The following KCNQ2 variants were observed in gnomAD, a reference collection of about 807,000 sequenced individuals.
KCNQ2 encodes the protein potassium voltage-gated channel subfamily KQT member 2.
In KCNQ2, 14 loss-of-function variants were observed where a neutral mutation model predicts 84.8. The ratio of observed to expected loss-of-function variants is 0.17; its 90% CI spans 0.11 to 0.26. The LOEUF (loss-of-function observed/expected upper bound fraction) is 0.26, where lower values mean the gene tolerates loss of function less well. Ranked by LOEUF, KCNQ2 falls within the 10% of genes least tolerant of loss-of-function variation. The pLI is 1.00. For synonymous variants in KCNQ2, 599 were observed against 554.1 expected, an observed-to-expected ratio of 1.08 and a Z score of -1.14; for missense variants, 788 against 1,254.0, an observed-to-expected ratio of 0.63 and a Z score of 5.61.
rs891928516 is a variant in KCNQ2 at position 63,400,301 on chromosome 20, G to A, written c.*6343C>T. The stretch of plus-strand genomic sequence containing the variant: ...AGCAGGGATCCCCAGAACCTTCCAC[G>A]GCCATCGCGGCCGCAGGACCCCACA... On this transcript the variant is annotated 3_prime_UTR_variant, in exon 17 of 17. Transcript: ENST00000359125. This position sits in a 1 kb window ranked among gnomAD's most constrained non-coding sequence, Gnocchi z 8.7. 2.2e-4 allele frequency: 56 copies of A among 254,180 alleles called. No homozygotes were observed. Among genetic ancestry groups the A allele is most frequent in the African/African-American group, 1.1e-3 (49 of 45,088 alleles). The allele number at this position is 254,180 out of a possible 1,614,324, so 15.7% of individuals were successfully genotyped here.
Position 63,431,507 on chromosome 20 carries a change from G to A in KCNQ2, c.1119-138C>T, listed in dbSNP as rs2080786486. On this transcript the variant is annotated intron_variant, in intron 8 of 16. Transcript: ENST00000359125. Reference sequence around the variant, plus strand: ...ACAAAGAAAATTAGCACAAGGGCTGGTTCTGTCCCTGCCCTGGGCTGAGAG... The same window carrying A: ...ACAAAGAAAATTAGCACAAGGGCTGATTCTGTCCCTGCCCTGGGCTGAGAG... 6 of 950,076 alleles carry A rather than the reference G, an allele frequency of 6.3e-6. No individual in the cohort carries two copies. In the East Asian group the frequency reaches 9.8e-5, roughly 15 times the overall value. The allele number at this position is 950,076 out of a possible 1,614,324, so 58.9% of individuals were successfully genotyped here. A position where few individuals can be genotyped will look rare whatever the true frequency, so the allele number is the denominator to read the frequency against.
At position 63,408,248 on chromosome 20, in the gene KCNQ2, G is replaced by T; in HGVS notation, c.1887+165C>A. ...GGGGGTGGGAGGCTCACGGTGGGGT[G>T]TGAGGGGTCTGCACAGAGCAGCTGT... On this transcript the variant is annotated intron_variant, in intron 16 of 16. Coordinates refer to ENST00000359125, the MANE Select transcript of KCNQ2 (RefSeq NM_172107.4). This position sits in a 1 kb window ranked among gnomAD's most constrained non-coding sequence, Gnocchi z 5.0. 2 of 889,144 alleles carry T rather than the reference G, an allele frequency of 2.2e-6. No homozygotes were observed. Among genetic ancestry groups the T allele is most frequent in the Non-Finnish European group, 3.4e-6 (2 of 584,366 alleles). 55.1% of individuals were successfully genotyped at this position (889,144 alleles called of 1,614,324 possible).
At position 63,446,908 on chromosome 20, in the gene KCNQ2, C is replaced by T; in HGVS notation, c.297-71G>A. On this transcript the variant is annotated intron_variant, in intron 1 of 16. Coordinates refer to ENST00000359125, the MANE Select transcript of KCNQ2 (RefSeq NM_172107.4). This position sits in a 1 kb window ranked among gnomAD's most constrained non-coding sequence, Gnocchi z 5.5. ...GCAGCATGGCTGTGTCTCCAGAACTCAGGACCCCACTCCCCACCAGGCCGC... is the reference window on the plus strand; with the variant it reads ...GCAGCATGGCTGTGTCTCCAGAACTTAGGACCCCACTCCCCACCAGGCCGC... 7.5e-7 allele frequency: 1 copy of T among 1,330,944 alleles called. No homozygotes were observed. Among genetic ancestry groups the T allele is most frequent in the Non-Finnish European group, 1.1e-6 (1 of 922,978 alleles). The allele number at this position is 1,330,944 out of a possible 1,614,324, so 82.4% of individuals were successfully genotyped here.
At chr20:63,432,810 A>C (rs1163350182) in intron 8 of KCNQ2, among the ~76,000 whole-genome samples, 1 of 131,724 alleles carries the variant, frequency 7.6e-6, no homozygotes, top group African/African-American at 2.6e-5. Context: ...CCCCACCCTC[A>C]GGGAAGGCTC....
At chr20:63,411,818 C>T in intron 15 of KCNQ2, 1 of 684,010 alleles carries the variant, frequency 1.5e-6, no homozygotes. Flanking sequence ...GCCGTGGGTC[C>T]TTTGGTGGGG....
Position 63,438,807 on chromosome 20 carries a change from C to A in KCNQ2, c.928-87G>T, listed in dbSNP as rs73146526. 5.9e-6 allele frequency: 6 copies of A among 1,017,574 alleles called. No individual in the cohort carries two copies. The highest frequency in any genetic ancestry group is 3.3e-5 in the African/African-American group (2 of 61,038). 63.0% of individuals were successfully genotyped at this position (1,017,574 alleles called of 1,614,324 possible). ...CAGACCATGCTCTGGGGCCCCACAC[C>A]CCCCCCAATTCATCAGGGTCAGACC... On this transcript the variant is annotated intron_variant, in intron 6 of 16. Transcript: ENST00000359125. This position sits in a 1 kb window ranked among gnomAD's most constrained non-coding sequence, Gnocchi z 5.1.
intron 1 of KCNQ2, among the ~76,000 whole-genome samples, chr20:63,450,847 A>G (rs2081592912): frequency 6.6e-6 from 1 of 152,022 alleles, no homozygotes; most frequent in African/African-American, 2.4e-5. Flanking sequence ...AAAAGCAAAA[A>G]AGAAGAAAAC....
rs762810148 is a variant in KCNQ2 at position 63,414,204 on chromosome 20, G to A, written c.1526-11C>T. 3 of 1,604,354 alleles carry A rather than the reference G, an allele frequency of 1.9e-6. No homozygotes were observed. Among genetic ancestry groups the A allele is most frequent in the South Asian group, 2.2e-5 (2 of 90,890 alleles). ...CGGGGAGGCTTGCTTCTGGGGGGAA[G>A]GAGACAGGCCGTGAGGGGCCGAGGG... On this transcript the variant is annotated splice_polypyrimidine_tract_variant and intron_variant, in intron 13 of 16. Coordinates refer to ENST00000359125, the MANE Select transcript of KCNQ2 (RefSeq NM_172107.4). The surrounding 1 kb of genome is among the most constrained non-coding windows in gnomAD (Gnocchi z 6.6).
Position 63,446,693 on chromosome 20 carries a change from C to T in KCNQ2, c.387+54G>A. On this transcript the variant is annotated intron_variant, in intron 2 of 16. Coordinates refer to ENST00000359125, the MANE Select transcript of KCNQ2 (RefSeq NM_172107.4). This position sits in a 1 kb window ranked among gnomAD's most constrained non-coding sequence, Gnocchi z 5.5. ...CAGGAACGGAAGACAGACGCCCAGG[C>T]AGCTCCAGCTCCTTCCTGGGCACTT... is the stretch of plus-strand genomic sequence containing the variant. The T allele has an allele frequency of 7.0e-7, 1 of 1,427,414 alleles. No individual in the cohort carries two copies. The highest frequency in any genetic ancestry group is 9.9e-7 in the Non-Finnish European group (1 of 1,010,982). 88.4% of individuals were successfully genotyped at this position (1,427,414 alleles called of 1,614,324 possible). A position where few individuals can be genotyped will look rare whatever the true frequency, so the allele number is the denominator to read the frequency against.
intron 1 of KCNQ2, among the ~76,000 whole-genome samples, chr20:63,458,677 A>G (rs2081870105): frequency 6.6e-6 from 1 of 152,156 alleles, no homozygotes; most frequent in Non-Finnish European, 1.5e-5. Flanking sequence ...TCCTCTGCTC[A>G]GACAGTGGCC....
intron 12 of KCNQ2, 98 bp downstream of exon 12, chr20:63,419,521 G>A (rs1007070923): frequency 9.3e-6 from 12 of 1,286,288 alleles, no homozygotes; most frequent in Middle Eastern, 2.6e-4. Context: ...GGGTTGGGGC[G>A]CCAGCCTCCC....
intron 5 of KCNQ2, among the ~76,000 whole-genome samples, chr20:63,441,262 G>T (rs1285926138): frequency 3.4e-5 from 5 of 146,456 alleles, no homozygotes. Flanking sequence ...GGAAACTGGG[G>T]GTAGATCTCA....
At chr20:63,434,929 C>T (rs991236593) in intron 7 of KCNQ2, among the ~76,000 whole-genome samples, 18 of 152,196 alleles carry the variant, frequency 1.2e-4, no homozygotes, top group African/African-American at 4.3e-4. Context: ...GTTTTCAATT[C>T]TTTTGTGTCT....
At chr20:63,415,350 G>A (rs2080260583) in intron 12 of KCNQ2, among the ~76,000 whole-genome samples, 1 of 145,714 alleles carries the variant, frequency 6.9e-6, no homozygotes, top group Admixed American at 6.7e-5. Flanking sequence ...GCACCCGGTG[G>A]GAGGGAGGGA....
At chr20:63,463,907 C>G (rs1025937497) in intron 1 of KCNQ2, 1 of 151,998 alleles carries the variant, frequency 6.6e-6, no homozygotes, top group Non-Finnish European at 1.5e-5. Context: ...GAGCCCAGCC[C>G]CTGCCACACC....
At chr20:63,448,011 G>A (rs930351066) in intron 1 of KCNQ2, 12 of 152,246 alleles carry the variant, frequency 7.9e-5, no homozygotes, top group African/African-American at 1.9e-4. Context: ...GCTAGCCCCC[G>A]AAGACCCTGC....
intron 1 of KCNQ2, among the ~76,000 whole-genome samples, chr20:63,463,418 C>T (rs1332653080): frequency 6.6e-6 from 1 of 152,160 alleles, no homozygotes; most frequent in East Asian, 1.9e-4. Flanking sequence ...GGAAGCCCAG[C>T]CGGCCGAGTG....
At chr20:63,437,858 G>A (rs2081050460) in intron 7 of KCNQ2, among the ~76,000 whole-genome samples, 1 of 152,192 alleles carries the variant, frequency 6.6e-6, no homozygotes, top group Admixed American at 6.5e-5. Context: ...CACCCAGGCT[G>A]GAGTGCTGTG....
At chr20:63,451,321 C>T (rs1337971440) in intron 1 of KCNQ2, among the ~76,000 whole-genome samples, 1 of 152,062 alleles carries the variant, frequency 6.6e-6, no homozygotes, top group Non-Finnish European at 1.5e-5. Context: ...AACCCTCTGT[C>T]TTGTGTCTTT....
Sources: allele counts gnomAD v4.1 joint callset (sites outside exome capture counted in the v4.1 genomes callset), GRCh38; gene constraint gnomAD v4.1.1; non-coding constraint Gnocchi (gnomAD v3.1); transcripts MANE v1.5; gene names NCBI Gene and HGNC (gene_info 2026-07-23, HGNC 2026-07-21).